The following AGO1 variants were observed in gnomAD, a reference collection of about 807,000 sequenced individuals.
AGO1 encodes the protein protein argonaute-1.
In AGO1, 11 loss-of-function variants were observed where a neutral mutation model predicts 109.2. The ratio of observed to expected loss-of-function variants is 0.10; its 90% CI spans 0.06 to 0.17. The LOEUF is 0.17. AGO1 is among the 10% of genes least tolerant of loss of function. The pLI is 1.00. For missense variants in AGO1, 574 were observed against 1,140.3 expected, an observed-to-expected ratio of 0.50 and a Z score of 7.15; for synonymous variants, 422 against 418.6, an observed-to-expected ratio of 1.01 and a Z score of -0.10.
chr1:35,899,322 G>C (rs977025108), intron 8 of AGO1, among the ~76,000 whole-genome samples: 5 of 152,104 alleles, frequency 3.3e-5, no homozygotes, highest in African/African-American at 9.7e-5. Context: ...CTTCCTTTTG[G>C]TTATTGTGAA....
At chr1:35,884,999 C>G (rs549229127) in intron 1 of AGO1, among the ~76,000 whole-genome samples, 1 of 144,632 alleles carries the variant, frequency 6.9e-6, no homozygotes, top group African/African-American at 2.5e-5. Context: ...CTAACTCCCT[C>G]CCACCCTCCC....
chr1:35,903,330 A>C (rs1452888247), intron 11 of AGO1, among the ~76,000 whole-genome samples: 1 of 147,222 alleles, frequency 6.8e-6, no homozygotes, highest in Non-Finnish European at 1.5e-5. Context: ...AGTTTTATTG[A>C]GATAGGTTTA....
intron 12 of AGO1, among the ~76,000 whole-genome samples, chr1:35,909,625 G>C (rs78317186): frequency 0.024 from 3,723 of 152,264 alleles, 61 homozygotes; most frequent in Non-Finnish European, 0.035. Context: ...CACCTGGAGA[G>C]TGAACTTGTC....
intron 12 of AGO1, among the ~76,000 whole-genome samples, chr1:35,907,617 T>C (rs536191457): frequency 6.6e-6 from 1 of 152,296 alleles, no homozygotes; most frequent in East Asian, 1.9e-4. Flanking sequence ...TTTTCTTTTA[T>C]GCCATTTTCC....
At chr1:35,885,235 A>G (rs1198291614) in intron 1 of AGO1, among the ~76,000 whole-genome samples, 1 of 152,102 alleles carries the variant, frequency 6.6e-6, no homozygotes, top group Non-Finnish European at 1.5e-5. Context: ...CCCATGAACT[A>G]GAGTAGTGGG....
intron 1 of AGO1, among the ~76,000 whole-genome samples, chr1:35,885,174 T>C (rs1310644896): frequency 5.3e-5 from 8 of 152,128 alleles, no homozygotes; most frequent in Non-Finnish European, 1.2e-4. Flanking sequence ...CAGGACCCTC[T>C]CTCCATCCCA....
rs1254218347 is a variant in AGO1 at position 35,888,998 on chromosome 1, G to A, written c.209+388G>A. ...AGGGAGAGGTTAAAGGTATGGGACAGAGGGGAGAAATGAATGGGATGTCCT... is the reference window on the plus strand; with the variant it reads ...AGGGAGAGGTTAAAGGTATGGGACAAAGGGGAGAAATGAATGGGATGTCCT... On this transcript the variant is annotated intron_variant, in intron 2 of 18. Coordinates refer to ENST00000373204, the MANE Select transcript of AGO1 (RefSeq NM_012199.5). The surrounding 1 kb of genome is among the most constrained non-coding windows in gnomAD (Gnocchi z 4.1). 2.2e-5 allele frequency among the ~76,000 whole-genome samples: 3 copies of A among 135,328 alleles called. No homozygotes were observed. Among genetic ancestry groups the A allele is most frequent in the African/African-American group, 6.5e-5 (2 of 30,838 alleles). 88.8% of individuals were successfully genotyped at this position (135,328 alleles called of 152,430 possible).
Position 35,888,184 on chromosome 1 carries a change from T to TA in AGO1, c.26-241dup, listed in dbSNP as rs763759961. The stretch of plus-strand genomic sequence containing the variant: ...AATAGGAACTTATTATATATTAACT[T>TA]AATGAATTAAAAATAGACAATAAGG... On this transcript the variant is annotated intron_variant, in intron 1 of 18. Coordinates refer to ENST00000373204, the MANE Select transcript of AGO1 (RefSeq NM_012199.5). The surrounding 1 kb of genome is among the most constrained non-coding windows in gnomAD (Gnocchi z 4.1). Among the ~76,000 whole-genome samples, 72 of 152,150 alleles carry TA rather than the reference T, an allele frequency of 4.7e-4. 3 individuals carry two copies. The highest frequency in any genetic ancestry group is 2.2e-4 in the Non-Finnish European group (15 of 68,034).
Position 35,901,776 on chromosome 1 carries a change from A to G in AGO1, c.1141-172A>G, listed in dbSNP as rs2297957. Among the ~76,000 whole-genome samples, 13,420 of 152,086 alleles carry G rather than the reference A, an allele frequency of 0.088. 2,050 individuals are homozygous for G. The highest frequency in any genetic ancestry group is 0.68 in the East Asian group (3,507 of 5,172). On this transcript the variant is annotated intron_variant, in intron 9 of 18. Coordinates refer to ENST00000373204, the MANE Select transcript of AGO1 (RefSeq NM_012199.5). This position sits in a 1 kb window ranked among gnomAD's most constrained non-coding sequence, Gnocchi z 4.8. ...CTTTCTGTCTCTTTTTCTCTCCTGT[A>G]TTACTTTGCTGTGTTATTCCCTCAC...
upstream of AGO1, among the ~76,000 whole-genome samples, chr1:35,879,448 CA>C (rs199651480): frequency 2.1e-5 from 3 of 143,052 alleles, no homozygotes; most frequent in Non-Finnish European, 1.5e-5. Flanking sequence ...AACTCCATCT[CA>C]AAAAAAAATA....
At position 35,925,299 on chromosome 1, in the gene AGO1, T is replaced by C. The variant is rs1331242413; in HGVS notation, c.*5692T>C. 2 of 151,132 alleles carry C rather than the reference T, an allele frequency of 1.3e-5. No homozygotes were observed. The highest frequency in any genetic ancestry group is 2.9e-5 in the Non-Finnish European group (2 of 67,862). The allele number at this position is 151,132 out of a possible 1,614,324, so 9.4% of individuals were successfully genotyped here. On this transcript the variant is annotated 3_prime_UTR_variant, in exon 19 of 19. Transcript: ENST00000373204. ...CTCCAGTATTTCTTGAAAATGAGCA[T>C]TGGAAAAACCAATTCTAAAATGGCT...
Position 35,893,074 on chromosome 1 carries a change from C to T in AGO1, c.331-23C>T, listed in dbSNP as rs374386582. The T allele has an allele frequency of 6.2e-7, 1 of 1,608,898 alleles. No individual in the cohort carries two copies. The highest frequency in any genetic ancestry group is 8.5e-7 in the Non-Finnish European group (1 of 1,176,576). On this transcript the variant is annotated intron_variant, in intron 3 of 18. Coordinates refer to ENST00000373204, the MANE Select transcript of AGO1 (RefSeq NM_012199.5). This position sits in a 1 kb window ranked among gnomAD's most constrained non-coding sequence, Gnocchi z 5.6. ...TCGCAGAGCAATGGCAATCCTTCAT[C>T]CCTTTCTTTCACCCTCCTGAAGGTC...
At chr1:35,916,642 AC>A (rs1336748598) in intron 15 of AGO1, among the ~76,000 whole-genome samples, 2 of 152,250 alleles carry the variant, frequency 1.3e-5, no homozygotes, top group African/African-American at 4.8e-5. Context: ...TGCTGGAAAT[AC>A]AGGCGTGAGC....
intron 12 of AGO1, among the ~76,000 whole-genome samples, chr1:35,907,961 CA>C (rs916381934): frequency 4.6e-5 from 7 of 152,154 alleles, no homozygotes; most frequent in African/African-American, 1.4e-4. Context: ...CTCATCTCTA[CA>C]AAAAAATAAA....
chr1:35,903,888 G>A (rs1368206674), intron 11 of AGO1, among the ~76,000 whole-genome samples: 2 of 151,630 alleles, frequency 1.3e-5, no homozygotes, highest in African/African-American at 2.4e-5. Context: ...GCTTGAACCC[G>A]GGAGGCAGAG....
In AGO1 at chr1:35,927,431, C is replaced by T. The variant is rs1645952015; in HGVS notation, c.*7824C>T. 1 of 152,118 alleles carries T rather than the reference C, an allele frequency of 6.6e-6. No individual in the cohort carries two copies. The highest frequency in any genetic ancestry group is 2.4e-5 in the African/African-American group (1 of 41,406). 9.4% of individuals were successfully genotyped at this position (152,118 alleles called of 1,614,324 possible). A position where few individuals can be genotyped will look rare whatever the true frequency, so the allele number is the denominator to read the frequency against. On this transcript the variant is annotated 3_prime_UTR_variant, in exon 19 of 19. Transcript: ENST00000373204. The stretch of plus-strand genomic sequence containing the variant: ...CCATGTTTATCCTCACGCCAGTTCG[C>T]CTCATGGTCCCAATATGGCTACTGT...
rs35255117 is a variant in AGO1 at position 35,889,183 on chromosome 1, CT to C, written c.209+593del. ...CCTTATTTAGAGGAAGTGATATTTCCTTTTTTTTTTTTTTTTTTTTGAGAGG... is the reference window on the plus strand; with the variant it reads ...CCTTATTTAGAGGAAGTGATATTTCCTTTTTTTTTTTTTTTTTTTGAGAGG... On this transcript the variant is annotated intron_variant, in intron 2 of 18. Transcript: ENST00000373204. Among the ~76,000 whole-genome samples, 732 of 113,408 alleles carry C rather than the reference CT, an allele frequency of 6.5e-3. 15 individuals carry two copies. The highest frequency in any genetic ancestry group is 0.021 in the African/African-American group (606 of 29,110). 74.4% of individuals were successfully genotyped at this position (113,408 alleles called of 152,430 possible). A position where few individuals can be genotyped will look rare whatever the true frequency, so the allele number is the denominator to read the frequency against.
chr1:35,901,715 A>C lies in AGO1; in HGVS notation c.1140+122A>C. 6.7e-7 allele frequency: 1 copy of C among 1,489,298 alleles called. No homozygotes were observed. Among genetic ancestry groups the C allele is most frequent in the Non-Finnish European group, 9.1e-7 (1 of 1,099,828 alleles). The allele number at this position is 1,489,298 out of a possible 1,614,324, so 92.3% of individuals were successfully genotyped here. On this transcript the variant is annotated intron_variant, in intron 9 of 18. Transcript: ENST00000373204. This position sits in a 1 kb window ranked among gnomAD's most constrained non-coding sequence, Gnocchi z 4.8. ...TAGATTTGTTGCCTAGGACTGTATA[A>C]GGCTGCTTTTGCTTCTTGACCGTAT...
rs1645694220 is a variant in AGO1, at chr1:35,914,265, T to C, written c.1824T>C (p.Ser608=). 1 of 1,613,804 alleles carries C rather than the reference T, an allele frequency of 6.2e-7. No individual in the cohort carries two copies. The highest frequency in any genetic ancestry group is 8.5e-7 in the Non-Finnish European group (1 of 1,179,778). The part of the protein sequence containing the change: ...HPPAGDGKKP[S]ITAVVGSMDA... The stretch of plus-strand genomic sequence containing the variant: ...CAGCAGGGGATGGGAAAAAACCTTC[T>C]ATCACAGCAGTGAGTGATATTCTGT... The change falls in exon 14 of 19, where the codon TCT becomes TCC. Residue 608 remains serine (S), a synonymous_variant. Coordinates refer to ENST00000373204, the MANE Select transcript of AGO1 (RefSeq NM_012199.5).
Sources: gnomAD v4.1 joint callset for allele counts (sites outside exome capture counted in the v4.1 genomes callset) on GRCh38, gnomAD v4.1.1 for gene constraint, Gnocchi (gnomAD v3.1) non-coding constraint, MANE v1.5 for transcripts, NCBI Gene and HGNC (gene_info 2026-07-23, HGNC 2026-07-21) for gene names.